Variants in SPIDR observed in about 807,000 individuals in gnomAD.
SPIDR encodes scaffold protein involved in DNA repair, also known as DNA repair-scaffolding protein.
In SPIDR, 93 loss-of-function variants were observed where a neutral mutation model predicts 104.6. That is an observed-to-expected ratio of 0.89 (90% confidence interval 0.75 to 1.06). The LOEUF (loss-of-function observed/expected upper bound fraction) is 1.06. SPIDR is among the 50% of genes least tolerant of loss of function. The probability of loss-of-function intolerance (pLI) is 0.00; values close to 1 mark genes in which losing one functional copy is unlikely to be tolerated. For synonymous variants in SPIDR, 431 were observed against 416.9 expected (o/e 1.03, Z -0.41); for missense variants, 1,154 against 1,111.2 (o/e 1.04, Z -0.55).
intron 8 of SPIDR, among the ~76,000 whole-genome samples, chr8:47,443,515 G>A (rs2069871406): frequency 6.9e-6 from 1 of 145,726 alleles, no homozygotes; most frequent in Non-Finnish European, 1.5e-5. Context: ...GGGTTGCAGG[G>A]AGCCGAGATT....
intron 10 of SPIDR, among the ~76,000 whole-genome samples, chr8:47,628,841 G>T (rs1057134507): frequency 6.6e-6 from 1 of 152,180 alleles, no homozygotes; most frequent in African/African-American, 2.4e-5. Context: ...GGTGTGGCTT[G>T]TTTTGGGATT....
intron 8 of SPIDR, among the ~76,000 whole-genome samples, chr8:47,466,017 C>G (rs896286020): frequency 6.6e-6 from 1 of 152,052 alleles, no homozygotes; most frequent in Non-Finnish European, 1.5e-5. Context: ...CACCTAGATC[C>G]GTAAAGCAAG....
chr8:47,718,631 T>C (rs1011921133), intron 16 of SPIDR, among the ~76,000 whole-genome samples: 4 of 152,160 alleles, frequency 2.6e-5, no homozygotes, highest in Admixed American at 6.5e-5. Context: ...ATTTTTTCAT[T>C]GCACGTTGAT....
chr8:47,586,976 G>T (rs1236329246), intron 8 of SPIDR, among the ~76,000 whole-genome samples: 2 of 152,116 alleles, frequency 1.3e-5, no homozygotes, highest in East Asian at 3.9e-4. Flanking sequence ...CACCATGTTG[G>T]CAAGGCTGGT....
At chr8:47,511,017 C>T in intron 8 of SPIDR, 4 of 749,976 alleles carry the variant, frequency 5.3e-6, no homozygotes, top group Non-Finnish European at 9.6e-6. Flanking sequence ...AGAGGCCAGG[C>T]AGCTGCCTGG....
chr8:47,512,831 C>T (rs768586530), intron 8 of SPIDR, among the ~76,000 whole-genome samples: 8 of 152,138 alleles, frequency 5.3e-5, no homozygotes, highest in African/African-American at 1.2e-4. Context: ...TCTTGCATTC[C>T]GATGCGGCAC....
rs989456466 is a variant in SPIDR, at chr8:47,287,485, T to C, written c.256+3391T>C. ...GAGGGTACTGCAGGAGACCAGGGTGTATTTCAGTTCTTATCCCAACCGCAT... is the reference window on the plus strand; with the variant it reads ...GAGGGTACTGCAGGAGACCAGGGTGCATTTCAGTTCTTATCCCAACCGCAT... On this transcript the variant is annotated intron_variant, in intron 3 of 19. Transcript: ENST00000297423. Among the ~76,000 whole-genome samples, 66 of 152,118 alleles carry C rather than the reference T, an allele frequency of 4.3e-4. 1 individual carries two copies. The highest frequency in any genetic ancestry group is 4.1e-3 in the Admixed American group (63 of 15,282).
chr8:47,675,384 A>G (rs1235169530), intron 11 of SPIDR, among the ~76,000 whole-genome samples: 3 of 152,284 alleles, frequency 2.0e-5, no homozygotes, highest in East Asian at 3.9e-4. Flanking sequence ...ACAGGCAGCT[A>G]TATTATAATT....
chr8:47,586,727 T>G (rs940471725), intron 8 of SPIDR, among the ~76,000 whole-genome samples: 7 of 152,104 alleles, frequency 4.6e-5, no homozygotes, highest in African/African-American at 1.7e-4. Context: ...AGAGCAAAAG[T>G]TTTCAGTTTT....
intron 7 of SPIDR, among the ~76,000 whole-genome samples, chr8:47,417,134 A>G (rs1220233023): frequency 1.3e-5 from 2 of 152,214 alleles, no homozygotes; most frequent in African/African-American, 2.4e-5. Context: ...TCCTTTGGGT[A>G]TATACCCAGT....
intron 8 of SPIDR, among the ~76,000 whole-genome samples, chr8:47,578,122 C>T (rs1428881324): frequency 6.6e-6 from 1 of 152,222 alleles, no homozygotes; most frequent in African/African-American, 2.4e-5. Flanking sequence ...CTATGCACTT[C>T]ACTTGTTAAT....
intron 8 of SPIDR, chr8:47,592,508 T>C: frequency 7.1e-7 from 1 of 1,408,486 alleles, no homozygotes; most frequent in Non-Finnish European, 1.0e-6. Context: ...CACATGAAAA[T>C]AACAGGCATT....
At chr8:47,685,657 C>A (rs537357279) in intron 11 of SPIDR, among the ~76,000 whole-genome samples, 1 of 151,542 alleles carries the variant, frequency 6.6e-6, no homozygotes, top group African/African-American at 2.4e-5. Context: ...CAGGTTCAAG[C>A]GATTCTCCTG....
chr8:47,358,947 A>G (rs1381024998), intron 5 of SPIDR, among the ~76,000 whole-genome samples: 1 of 152,182 alleles, frequency 6.6e-6, no homozygotes, highest in Non-Finnish European at 1.5e-5. Context: ...GGTAGTCTCT[A>G]GGTGGAGGCA....
chr8:47,485,700 A>G (rs1184009892), intron 8 of SPIDR, among the ~76,000 whole-genome samples: 2 of 152,184 alleles, frequency 1.3e-5, no homozygotes, highest in African/African-American at 4.8e-5. Context: ...GTTCTGCAAT[A>G]TTGTCTGTTC....
chr8:47,660,903 G>T, intron 10 of SPIDR: 2 of 975,264 alleles, frequency 2.1e-6, no homozygotes, highest in Non-Finnish European at 2.4e-6. Context: ...GTAACAATGC[G>T]CATTTGTCTG....
chr8:47,397,659 A>G (rs1226004244), intron 6 of SPIDR, among the ~76,000 whole-genome samples: 110 of 152,046 alleles, frequency 7.2e-4, no homozygotes, highest in Non-Finnish European at 1.9e-4. Context: ...GTTACATCAT[A>G]AGAAGACCAG....
chr8:47,535,603 A>G (rs2086769188), intron 8 of SPIDR, among the ~76,000 whole-genome samples: 2 of 152,182 alleles, frequency 1.3e-5, no homozygotes, highest in African/African-American at 4.8e-5. Context: ...AATCCATCAC[A>G]CCAACAGGCT....
intron 15 of SPIDR, 148 bp from the exon 16 acceptor site, chr8:47,713,341 T>C: frequency 8.9e-7 from 1 of 1,128,366 alleles, no homozygotes; most frequent in Admixed American, 1.9e-5. Context: ...TTCAGGAGTG[T>C]GCACACACAA....
Sources: gnomAD v4.1 joint callset for allele counts (sites outside exome capture counted in the v4.1 genomes callset) on GRCh38, gnomAD v4.1.1 for gene constraint, MANE v1.5 for transcripts, NCBI Gene and HGNC (gene_info 2026-07-23, HGNC 2026-07-21) for gene names.